The following TPTE2 variants were observed in gnomAD, a reference collection of about 807,000 sequenced individuals.
TPTE2 encodes the protein phosphatidylinositol 3,4,5-trisphosphate 3-phosphatase TPTE2.
A neutral mutation model predicts 78.6 loss-of-function variants in TPTE2; 53 were observed. The ratio of observed to expected loss-of-function variants is 0.67; its 90% CI spans 0.54 to 0.85. The LOEUF (loss-of-function observed/expected upper bound fraction) is 0.85, where lower values mean the gene tolerates loss of function less well. Ranked by LOEUF, TPTE2 falls within the 40% of genes least tolerant of loss-of-function variation. The probability of loss-of-function intolerance (pLI) is 0.00; values close to 1 mark genes in which losing one functional copy is unlikely to be tolerated. For synonymous variants in TPTE2, 175 were observed against 206.2 expected (o/e 0.85, Z 1.30); for missense variants, 461 against 623.0 (o/e 0.74, Z 2.77).
At chr13:19,532,214 G>C (rs1469676228) in intron 1 of TPTE2, among the ~76,000 whole-genome samples, 1 of 152,130 alleles carries the variant, frequency 6.6e-6, no homozygotes, top group African/African-American at 2.4e-5. Flanking sequence ...CTGATTAAAT[G>C]CTTGTCTTTT....
At chr13:19,520,273 A>G (rs1870069715) in intron 1 of TPTE2, among the ~76,000 whole-genome samples, 1 of 151,714 alleles carries the variant, frequency 6.6e-6, no homozygotes, top group African/African-American at 2.4e-5. Flanking sequence ...TTTTTGTCTA[A>G]TTATCCTGGC....
chr13:19,444,888 T>G (rs1877729854), intron 13 of TPTE2, among the ~76,000 whole-genome samples: 3 of 152,056 alleles, frequency 2.0e-5, no homozygotes, highest in Admixed American at 2.0e-4. Context: ...GAAATGAAAA[T>G]CTTCTGAACC....
At chr13:19,472,067 G>T (rs1861705365) in intron 6 of TPTE2, among the ~76,000 whole-genome samples, 1 of 152,044 alleles carries the variant, frequency 6.6e-6, no homozygotes, top group Non-Finnish European at 1.5e-5. Flanking sequence ...GTATATTATT[G>T]GTTTCTTTTC....
chr13:19,512,429 T>G (rs1421474945), intron 1 of TPTE2, among the ~76,000 whole-genome samples: 1 of 152,236 alleles, frequency 6.6e-6, no homozygotes, highest in Non-Finnish European at 1.5e-5. Flanking sequence ...AAAATGGAAA[T>G]GTTGGGAGAT....
At chr13:19,557,319 T>C in the TPTE2 span, among the ~76,000 whole-genome samples, 1 of 152,220 alleles carries the variant, frequency 6.6e-6, no homozygotes, top group Non-Finnish European at 1.5e-5. Context: ...ATGTGTCCCC[T>C]ACCAGGTTAC....
the TPTE2 span, among the ~76,000 whole-genome samples, chr13:19,542,523 C>T: frequency 6.6e-6 from 1 of 152,092 alleles, no homozygotes; most frequent in Non-Finnish European, 1.5e-5. Context: ...CATTGTATTT[C>T]CCTTTAAGAT....
intron 1 of TPTE2, among the ~76,000 whole-genome samples, chr13:19,520,641 T>G (rs1870092162): frequency 6.6e-6 from 1 of 151,994 alleles, no homozygotes; most frequent in Admixed American, 6.5e-5. Flanking sequence ...TTTACTTGCT[T>G]TGGTTTCAGT....
rs377131026 is a variant in TPTE2 at position 19,467,258 on chromosome 13, A to C, written c.479T>G (p.Phe160Cys). Residue 160 changes from phenylalanine to cysteine, a missense_variant, in exon 7 of 20, where the codon TTT becomes TGT. Physicochemically the swap from Phe to Cys is radical, Grantham distance 205 (BLOSUM62 -2). Transcript: ENST00000400230. The stretch of plus-strand genomic sequence containing the variant: ...ATTCCTAAGCAACTTAATGTCAAAA[A>C]AAATGTAAATGACATCAACCAGCAG... 1.1e-5 allele frequency: 18 copies of C among 1,593,952 alleles called. 1 individual carries two copies. The highest frequency in any genetic ancestry group is 9.5e-5 in the African/African-American group (7 of 73,620).
chr13:19,495,222 G>T (rs368106940), intron 1 of TPTE2, among the ~76,000 whole-genome samples: 1 of 149,564 alleles, frequency 6.7e-6, no homozygotes, highest in Non-Finnish European at 1.5e-5. Context: ...TCAAGCAAGG[G>T]CTCCATCCCA....
At chr13:19,493,735 C>T (rs1194881628) in intron 1 of TPTE2, 20 of 553,734 alleles carry the variant, frequency 3.6e-5, no homozygotes, top group South Asian at 3.3e-4. Flanking sequence ...TTTAAGTAAA[C>T]CTCTTTATTA....
At chr13:19,531,947 A>G (rs942555965) in intron 1 of TPTE2, among the ~76,000 whole-genome samples, 14 of 152,198 alleles carry the variant, frequency 9.2e-5, no homozygotes, top group African/African-American at 2.9e-4. Flanking sequence ...AAAAAAGTAG[A>G]GGATGGGGCA....
At chr13:19,480,175 T>C (rs1443585888) in intron 4 of TPTE2, among the ~76,000 whole-genome samples, 2 of 152,136 alleles carry the variant, frequency 1.3e-5, no homozygotes, top group Non-Finnish European at 2.9e-5. Flanking sequence ...TCTCTCCCAC[T>C]GGACACGTTT....
intron 5 of TPTE2, among the ~76,000 whole-genome samples, chr13:19,475,274 G>A (rs1406875060): frequency 2.7e-5 from 4 of 150,580 alleles, no homozygotes; most frequent in Admixed American, 6.6e-5. Flanking sequence ...CGCCAAGGCT[G>A]CAGTGCAATG....
chr13:19,490,224 A>G (rs1416714220), intron 3 of TPTE2, among the ~76,000 whole-genome samples: 7 of 151,984 alleles, frequency 4.6e-5, no homozygotes, highest in Non-Finnish European at 1.0e-4. Context: ...TTGAAATCTC[A>G]CCCATCATTG....
intron 3 of TPTE2, among the ~76,000 whole-genome samples, chr13:19,484,244 T>C (rs1442148157): frequency 2.0e-5 from 3 of 152,246 alleles, no homozygotes; most frequent in Non-Finnish European, 4.4e-5. Flanking sequence ...GCATGTTGTT[T>C]AATTTCCATA....
the TPTE2 span, among the ~76,000 whole-genome samples, chr13:19,556,225 C>A: frequency 1.3e-5 from 2 of 152,094 alleles, no homozygotes; most frequent in African/African-American, 4.8e-5. Flanking sequence ...GCAGTTTTTG[C>A]AATACAAGAA....
intron 10 of TPTE2, among the ~76,000 whole-genome samples, chr13:19,453,527 C>A (rs1878332529): frequency 3.7e-5 from 3 of 80,704 alleles, no homozygotes; most frequent in African/African-American, 9.9e-5. Flanking sequence ...ATATATATAT[C>A]ATTTTATAAT....
the TPTE2 span, among the ~76,000 whole-genome samples, chr13:19,555,046 T>C: frequency 6.6e-6 from 1 of 152,226 alleles, no homozygotes. Context: ...TGCAAGCATT[T>C]ATTAAATATG....
At chr13:19,464,406 A>G (rs1879128518) in intron 10 of TPTE2, 50 bp downstream of exon 13, 5 of 1,538,330 alleles carry the variant, frequency 3.3e-6, no homozygotes, top group Non-Finnish European at 4.5e-6. Flanking sequence ...TTATGACTAC[A>G]CAGTCTACAT....
Sources: allele counts gnomAD v4.1 joint callset (sites outside exome capture counted in the v4.1 genomes callset), GRCh38; gene constraint gnomAD v4.1.1; transcripts MANE v1.5; gene names NCBI Gene and HGNC (gene_info 2026-07-23, HGNC 2026-07-21).